SFXN2: variants seen among roughly 807,000 people sequenced by gnomAD.
The protein encoded by SFXN2 is sideroflexin 2, also known as sideroflexin-2.
A neutral mutation model predicts 41.9 loss-of-function variants in SFXN2; 37 were observed. That is an observed-to-expected ratio of 0.88 (90% CI 0.68 to 1.16). The LOEUF is 1.16. SFXN2 is among the 50% of genes most tolerant of loss of function. The probability of loss-of-function intolerance (pLI) is 0.00; values close to 1 mark genes in which losing one functional copy is unlikely to be tolerated. For missense variants in SFXN2, 386 were observed against 425.2 expected, an observed-to-expected ratio of 0.91 and a Z score of 0.81; for synonymous variants, 150 against 156.7, an observed-to-expected ratio of 0.96 and a Z score of 0.32.
chr10:102,720,306 A>C (rs1376350687), intron 1 of SFXN2, among the ~76,000 whole-genome samples: 3 of 150,172 alleles, frequency 2.0e-5, no homozygotes, highest in Admixed American at 6.6e-5. Flanking sequence ...AAAAAAAAAA[A>C]AAAAAAAAAA....
At chr10:102,720,471 G>A (rs1278270840) in intron 1 of SFXN2, among the ~76,000 whole-genome samples, 1 of 151,910 alleles carries the variant, frequency 6.6e-6, no homozygotes, top group Admixed American at 6.6e-5. Context: ...AGCCGGGCAT[G>A]TTGGCACATG....
rs555757474 is a variant in SFXN2 at position 102,731,953 on chromosome 10, C to G, written c.654+170C>G. On this transcript the variant is annotated intron_variant, in intron 7 of 11. Transcript: ENST00000369893. ...TTTCTCTGTTCAGAACAGGCCCCTTCTCTCTTTTCTCCATCATTTCTGGTC... is the reference window on the plus strand; with the variant it reads ...TTTCTCTGTTCAGAACAGGCCCCTTGTCTCTTTTCTCCATCATTTCTGGTC... Among the ~76,000 whole-genome samples the G allele has an allele frequency of 2.0e-5, 3 of 152,310 alleles. No individual in the cohort carries two copies. In the South Asian group the frequency reaches 6.2e-4, roughly 32 times the overall value.
At chr10:102,733,942 C>T (rs2064738781) in intron 10 of SFXN2, among the ~76,000 whole-genome samples, 1 of 151,572 alleles carries the variant, frequency 6.6e-6, no homozygotes, top group Admixed American at 6.6e-5. Context: ...GTCTGGAGTG[C>T]AATGGCGCAG....
rs1195039997 is a variant in SFXN2, at chr10:102,714,659, G to A, written c.-48G>A. On this transcript the variant is annotated 5_prime_UTR_variant, in exon 1 of 12. Transcript: ENST00000369893. ...CCAGTTTTCAAGGCGGGCTGTAACT[G>A]GTGGCATTTGTCCCGGGACCAGGTA... 7.6e-6 allele frequency: 2 copies of A among 263,998 alleles called. No individual in the cohort carries two copies. Among genetic ancestry groups the A allele is most frequent in the African/African-American group, 4.4e-5 (2 of 45,464 alleles). The allele number at this position is 263,998 out of a possible 1,614,324, so 16.4% of individuals were successfully genotyped here.
At chr10:102,714,804 T>A in intron 1 of SFXN2, 123 bp downstream of exon 1, 1 of 154,356 alleles carries the variant, frequency 6.5e-6, no homozygotes, top group Non-Finnish European at 1.4e-5. Context: ...GACTTCCACC[T>A]GCAGAAGCCA....
In SFXN2 at chr10:102,728,333, G is replaced by C. The variant is rs1010021223; in HGVS notation, c.333-98G>C. On this transcript the variant is annotated intron_variant, in intron 3 of 11. Transcript: ENST00000369893. ...AAAATAAAAAACTAGTATGGGAACA[G>C]TGTGGGGACCTGCAGATCATGTGCT... The C allele has an allele frequency of 6.6e-6, 6 of 910,218 alleles. No individual in the cohort carries two copies. In the East Asian group the frequency reaches 1.5e-4, roughly 22 times the overall value. The allele number at this position is 910,218 out of a possible 1,614,324, so 56.4% of individuals were successfully genotyped here.
At chr10:102,728,627 T>A in intron 4 of SFXN2, 98 bp downstream of exon 4, 3 of 983,220 alleles carry the variant, frequency 3.1e-6, no homozygotes, top group Non-Finnish European at 4.8e-6. Context: ...GCACCTGCAC[T>A]GAGCAGGTGA....
At chr10:102,731,277 A>G (rs1241636182) in intron 6 of SFXN2, among the ~76,000 whole-genome samples, 4 of 151,874 alleles carry the variant, frequency 2.6e-5, no homozygotes, top group Middle Eastern at 3.2e-3. Context: ...AAAAAAAAAA[A>G]AAAAAAAAAG....
At chr10:102,728,160 G>A (rs531957310) in intron 3 of SFXN2, among the ~76,000 whole-genome samples, 143 of 152,202 alleles carry the variant, frequency 9.4e-4, no homozygotes, top group Non-Finnish European at 1.8e-3. Flanking sequence ...TTAGCCAGGC[G>A]TGGTGGTGTG....
At chr10:102,718,065 C>G (rs114553322) in intron 1 of SFXN2, among the ~76,000 whole-genome samples, 1 of 152,100 alleles carries the variant, frequency 6.6e-6, no homozygotes, top group Admixed American at 6.5e-5. Context: ...CCAGACAGAT[C>G]GTTTAGTGTT....
At chr10:102,736,343 C>T (rs758531798) in intron 11 of SFXN2, among the ~76,000 whole-genome samples, 16 of 151,978 alleles carry the variant, frequency 1.1e-4, no homozygotes, top group East Asian at 1.9e-4. Context: ...CCACAGCCTC[C>T]GCCTCCCAGT....
chr10:102,717,156 G>A (rs2064428624), intron 1 of SFXN2, among the ~76,000 whole-genome samples: 1 of 139,380 alleles, frequency 7.2e-6, no homozygotes, highest in African/African-American at 2.7e-5. Context: ...TGTGGAGACG[G>A]AGTCTCGCTC....
At chr10:102,735,729 G>A in intron 10 of SFXN2, 133 bp from the exon 11 acceptor site, 1 of 856,514 alleles carries the variant, frequency 1.2e-6, no homozygotes, top group Non-Finnish European at 2.0e-6. Context: ...GAGGAGGGTT[G>A]GAGGGAGAGG....
intron 1 of SFXN2, among the ~76,000 whole-genome samples, chr10:102,717,011 AAAAAT>A (rs2064425730): frequency 2.6e-5 from 4 of 152,134 alleles, no homozygotes; most frequent in African/African-American, 9.7e-5. Flanking sequence ...CAAGTGTATC[AAAAAT>A]GCCCACTGTG....
At chr10:102,729,943 C>A in intron 6 of SFXN2, 135 bp downstream of exon 6, 1 of 929,516 alleles carries the variant, frequency 1.1e-6, no homozygotes, top group Non-Finnish European at 1.6e-6. Flanking sequence ...CTGAAGGGCC[C>A]TGGGATTGGC....
intron 10 of SFXN2, 142 bp downstream of exon 10, chr10:102,733,745 T>C (rs1443909943): frequency 1.4e-6 from 1 of 706,490 alleles, no homozygotes; most frequent in Non-Finnish European, 2.5e-6. Flanking sequence ...GTGGTCCATC[T>C]GGAAAGCTCT....
chr10:102,719,849 G>T (rs2136027906), intron 1 of SFXN2, among the ~76,000 whole-genome samples: 1 of 152,222 alleles, frequency 6.6e-6, no homozygotes, highest in African/African-American at 2.4e-5. Context: ...AAATGACCTA[G>T]TAGTAGAAGC....
chr10:102,737,670 C>T lies in SFXN2; in HGVS notation c.877C>T (p.Pro293Ser). 1 of 1,611,052 alleles carries T rather than the reference C, an allele frequency of 6.2e-7. No homozygotes were observed. The highest frequency in any genetic ancestry group is 8.5e-7 in the Non-Finnish European group (1 of 1,177,542). The change falls in exon 12 of 12, where the codon CCA becomes TCA. Residue 293 changes from proline to serine, a missense_variant. Coordinates refer to ENST00000369893, the MANE Select transcript of SFXN2 (RefSeq NM_178858.6). ...CGLFPQKCELPVSYLEPKLQD... is the reference protein window; with the variant it reads ...CGLFPQKCELSVSYLEPKLQD... ...CCACTTCTCTCTTTTCAGTGAATTG[C>T]CAGTTTCCTATCTGGAACCGAAGCT...
At position 102,737,690 on chromosome 10, in the gene SFXN2, G is replaced by C; in HGVS notation, c.897G>C (p.Pro299=). The C allele has an allele frequency of 6.2e-7, 1 of 1,612,508 alleles. No individual in the cohort carries two copies. Among genetic ancestry groups the C allele is most frequent in the South Asian group, 1.1e-5 (1 of 90,966 alleles). ...AATTGCCAGTTTCCTATCTGGAACC[G>C]AAGCTCCAAGACACTATCAAGGCCA... ...KCELPVSYLE[P]KLQDTIKAKY... The change falls in exon 12 of 12, where the codon CCG becomes CCC. Residue 299 remains proline, a synonymous_variant. Coordinates refer to ENST00000369893, the MANE Select transcript of SFXN2 (RefSeq NM_178858.6).
Sources: gnomAD v4.1 joint callset for allele counts (sites outside exome capture counted in the v4.1 genomes callset) on GRCh38, gnomAD v4.1.1 for gene constraint, MANE v1.5 for transcripts, NCBI Gene and HGNC (gene_info 2026-07-23, HGNC 2026-07-21) for gene names.